Variants in NFIA observed in about 807,000 individuals in gnomAD.
NFIA encodes the protein nuclear factor I A.
A neutral mutation model predicts 62.8 loss-of-function variants in NFIA; 8 were observed. The ratio of observed to expected loss-of-function variants is 0.13; its 90% CI spans 0.07 to 0.23. The LOEUF (loss-of-function observed/expected upper bound fraction) is 0.23. NFIA is among the 10% of genes least tolerant of loss of function. The pLI, the probability that NFIA is intolerant of heterozygous loss-of-function variation, is 1.00. For missense variants in NFIA, 410 were observed against 642.1 expected (o/e 0.64, Z 3.91); for synonymous variants, 235 against 238.1 (o/e 0.99, Z 0.12).
chr1:61,194,644 AT>A (rs1651871000), intron 2 of NFIA, among the ~76,000 whole-genome samples: 1 of 152,242 alleles, frequency 6.6e-6, no homozygotes, highest in South Asian at 2.1e-4. Context: ...GGAAAGAAAT[AT>A]GGCCTTGACT....
chr1:61,335,459 GT>G (rs1218656413), intron 4 of NFIA, among the ~76,000 whole-genome samples: 1 of 152,176 alleles, frequency 6.6e-6, no homozygotes, highest in African/African-American at 2.4e-5. Context: ...GTTCCCCCAT[GT>G]GGGAAAAGAG....
chr1:61,408,507 C>T (rs1356713263), intron 9 of NFIA, among the ~76,000 whole-genome samples: 1 of 152,230 alleles, frequency 6.6e-6, no homozygotes. Flanking sequence ...CATGCCTCTG[C>T]ATACCATTTT....
At chr1:61,100,607 A>G (rs1370468119) in intron 2 of NFIA, among the ~76,000 whole-genome samples, 1 of 152,110 alleles carries the variant, frequency 6.6e-6, no homozygotes, top group East Asian at 1.9e-4. Flanking sequence ...GATTATTATT[A>G]TTTTGAGACA....
At chr1:61,170,907 T>G (rs1649918981) in intron 2 of NFIA, among the ~76,000 whole-genome samples, 1 of 18,542 alleles carries the variant, frequency 5.4e-5, no homozygotes, top group African/African-American at 1.9e-4. Context: ...ACTGTTTCAG[T>G]TTCATAAAAA....
At chr1:61,338,192 G>C (rs544825864) in intron 4 of NFIA, among the ~76,000 whole-genome samples, 1 of 152,176 alleles carries the variant, frequency 6.6e-6, no homozygotes, top group African/African-American at 2.4e-5. Context: ...GAGTCTTTGG[G>C]TGTGAAAACC....
intron 2 of NFIA, among the ~76,000 whole-genome samples, chr1:61,184,255 G>C (rs1212703111): frequency 6.6e-6 from 1 of 152,168 alleles, no homozygotes; most frequent in Admixed American, 6.5e-5. Flanking sequence ...AGGAGCCAGT[G>C]AAGGGCGACG....
At chr1:61,238,198 G>A (rs1258250994) in intron 2 of NFIA, among the ~76,000 whole-genome samples, 3 of 152,254 alleles carry the variant, frequency 2.0e-5, no homozygotes, top group South Asian at 2.1e-4. Flanking sequence ...TTATGTGAAA[G>A]GGAAGAAGTT....
chr1:61,299,017 G>T (rs1357806058), intron 3 of NFIA, among the ~76,000 whole-genome samples: 1 of 152,072 alleles, frequency 6.6e-6, no homozygotes, highest in Non-Finnish European at 1.5e-5. Context: ...CTGAACTTAT[G>T]AAATGTACTT....
chr1:61,165,752 G>A (rs1649525503), intron 2 of NFIA, among the ~76,000 whole-genome samples: 1 of 152,106 alleles, frequency 6.6e-6, no homozygotes, highest in African/African-American at 2.4e-5. Context: ...TAATAAAAAA[G>A]AACCCCAGAT....
At chr1:61,115,006 A>T (rs1230268435) in intron 2 of NFIA, among the ~76,000 whole-genome samples, 1 of 152,034 alleles carries the variant, frequency 6.6e-6, no homozygotes, top group Admixed American at 6.6e-5. Flanking sequence ...TTTGGTTAGA[A>T]TCTCACTCTG....
intron 2 of NFIA, chr1:61,251,487 CATT>C (rs1174971252): frequency 6.6e-6 from 1 of 152,246 alleles, no homozygotes; most frequent in Non-Finnish European, 1.5e-5. Context: ...CTGTGACCAT[CATT>C]ATTGTCATAT....
At chr1:61,136,106 C>T (rs1017455281) in intron 2 of NFIA, among the ~76,000 whole-genome samples, 1 of 152,190 alleles carries the variant, frequency 6.6e-6, no homozygotes, top group African/African-American at 2.4e-5. Context: ...GAAACCTGAT[C>T]TTACTTATGT....
chr1:61,202,948 T>C (rs925467507), intron 2 of NFIA, among the ~76,000 whole-genome samples: 2 of 152,256 alleles, frequency 1.3e-5, no homozygotes, highest in African/African-American at 4.8e-5. Flanking sequence ...TGCACATTTG[T>C]GCATTAAACT....
intron 2 of NFIA, among the ~76,000 whole-genome samples, chr1:61,186,800 A>G (rs1282420649): frequency 1.3e-5 from 2 of 152,210 alleles, no homozygotes; most frequent in East Asian, 1.9e-4. Flanking sequence ...CCTTACAGCA[A>G]CCTTATGAAA....
chr1:61,263,489 T>C (rs1351753506), intron 2 of NFIA, among the ~76,000 whole-genome samples: 1 of 152,178 alleles, frequency 6.6e-6, no homozygotes, highest in Non-Finnish European at 1.5e-5. Context: ...TCCTATAGGC[T>C]CTTTCTTGTG....
intron 2 of NFIA, among the ~76,000 whole-genome samples, chr1:61,215,958 T>C (rs750731063): frequency 1.3e-5 from 2 of 152,234 alleles, no homozygotes; most frequent in African/African-American, 4.8e-5. Flanking sequence ...CTTGAAATGC[T>C]TGATGGCTTA....
intron 8 of NFIA, among the ~76,000 whole-genome samples, chr1:61,405,257 A>G (rs1386679415): frequency 1.3e-5 from 2 of 152,238 alleles, no homozygotes; most frequent in Admixed American, 6.5e-5. Context: ...CAACAAATCA[A>G]TATGGTGCCT....
chr1:61,180,737 TG>T (rs2100560697), intron 2 of NFIA, among the ~76,000 whole-genome samples: 1 of 152,312 alleles, frequency 6.6e-6, no homozygotes, highest in Non-Finnish European at 1.5e-5. Context: ...TCTAGGTGGA[TG>T]GTAAGACCCG....
chr1:61,123,573 C>A (rs560704381), intron 2 of NFIA, among the ~76,000 whole-genome samples: 2 of 152,002 alleles, frequency 1.3e-5, no homozygotes, highest in Non-Finnish European at 2.9e-5. Flanking sequence ...GGTAATGATG[C>A]CTTAGAACAA....
Sources: gnomAD v4.1 joint callset for allele counts (sites outside exome capture counted in the v4.1 genomes callset) on GRCh38, gnomAD v4.1.1 for gene constraint, MANE v1.5 for transcripts, NCBI Gene and HGNC (gene_info 2026-07-23, HGNC 2026-07-21) for gene names.